The following MMRN1 variants were observed in gnomAD, a reference collection of about 807,000 sequenced individuals.
MMRN1 encodes multimerin-1.
Under a neutral mutation model 100.7 loss-of-function variants are expected in MMRN1, and 94 were observed. The ratio of observed to expected loss-of-function variants is 0.93; its 90% CI spans 0.79 to 1.11. The LOEUF (loss-of-function observed/expected upper bound fraction) is 1.11, where lower values mean the gene tolerates loss of function less well. Ranked by LOEUF, MMRN1 falls within the 50% of genes least tolerant of loss-of-function variation. The pLI is 0.00. For missense variants in MMRN1, 1,606 were observed against 1,439.1 expected (o/e 1.12, Z -1.88); for synonymous variants, 575 against 505.0 (o/e 1.14, Z -1.86).
At chr4:89,891,398 G>A (rs958609482), upstream of MMRN1, among the ~76,000 whole-genome samples, 2 of 151,956 alleles carry the variant, frequency 1.3e-5, no homozygotes, top group Admixed American at 6.6e-5. Context: ...AATATTTACC[G>A]AATACCTATT....
chr4:89,900,938 A>G (rs1224020772), intron 1 of MMRN1, among the ~76,000 whole-genome samples: 1 of 152,068 alleles, frequency 6.6e-6, no homozygotes, highest in Non-Finnish European at 1.5e-5. Context: ...GAAGGAATCT[A>G]TAAAAGTGTG....
At chr4:89,927,732 A>G (rs1463079845) in intron 4 of MMRN1, 63 bp from the exon 5 acceptor site, 2 of 1,477,942 alleles carry the variant, frequency 1.4e-6, no homozygotes, top group Non-Finnish European at 1.9e-6. Context: ...TCCATTCAGT[A>G]TGATACCAAC....
chr4:89,907,828 T>TG (rs1721617022), intron 1 of MMRN1, among the ~76,000 whole-genome samples: 1 of 132,616 alleles, frequency 7.5e-6, no homozygotes, highest in African/African-American at 3.1e-5. Context: ...CCTGTTTTTT[T>TG]GTTTTTTTTT....
At chr4:89,890,510 C>T (rs967595599), upstream of MMRN1, among the ~76,000 whole-genome samples, 1 of 151,936 alleles carries the variant, frequency 6.6e-6, no homozygotes, top group Admixed American at 6.6e-5. Context: ...GAGTCTTATT[C>T]TATTTTTTCT....
chr4:89,905,637 A>G (rs1349782608), intron 1 of MMRN1, among the ~76,000 whole-genome samples: 3 of 151,492 alleles, frequency 2.0e-5, no homozygotes, highest in Non-Finnish European at 3.0e-5. Flanking sequence ...AGAAGCAGCT[A>G]TGTCTGTCTT....
intron 3 of MMRN1, among the ~76,000 whole-genome samples, chr4:89,921,308 G>A: frequency 6.6e-6 from 1 of 151,980 alleles, no homozygotes; most frequent in East Asian, 1.9e-4. Flanking sequence ...TAGATCTAAG[G>A]TGGGACTCTA....
At chr4:89,891,596 G>T (rs1281742183), upstream of MMRN1, among the ~76,000 whole-genome samples, 1 of 151,996 alleles carries the variant, frequency 6.6e-6, no homozygotes, top group African/African-American at 2.4e-5. Context: ...TCAAAATCAT[G>T]CAGAAATCAG....
At chr4:89,898,854 C>T (rs970162357) in intron 1 of MMRN1, among the ~76,000 whole-genome samples, 2 of 151,950 alleles carry the variant, frequency 1.3e-5, no homozygotes, top group African/African-American at 2.4e-5. Context: ...ACTGCACTTA[C>T]GACACTACAT....
At chr4:89,911,855 T>C (rs981851801) in intron 2 of MMRN1, 89 bp from the exon 3 acceptor site, 7 of 814,364 alleles carry the variant, frequency 8.6e-6, no homozygotes, top group Admixed American at 2.3e-5. Context: ...ATTGTAGGCA[T>C]TGCCCCAAAA....
At chr4:89,913,173 A>G (rs1721809150) in intron 3 of MMRN1, among the ~76,000 whole-genome samples, 3 of 151,278 alleles carry the variant, frequency 2.0e-5, no homozygotes, top group Admixed American at 1.3e-4. Flanking sequence ...CACAATGGTA[A>G]AACATATTTG....
intron 3 of MMRN1, among the ~76,000 whole-genome samples, chr4:89,913,636 C>A (rs1721824614): frequency 6.6e-6 from 1 of 151,158 alleles, no homozygotes; most frequent in Non-Finnish European, 1.5e-5. Flanking sequence ...TTTATGAATT[C>A]AAGTAGTTTA....
intron 6 of MMRN1, 124 bp from the exon 7 acceptor site, chr4:89,951,481 G>A (rs1033364112): frequency 9.7e-5 from 95 of 982,348 alleles, no homozygotes; most frequent in Non-Finnish European, 1.1e-4. Context: ...ATCCTGGGCC[G>A]TGGAGCCCAT....
At chr4:89,946,025 G>T (rs1388821865) in intron 6 of MMRN1, among the ~76,000 whole-genome samples, 1 of 152,190 alleles carries the variant, frequency 6.6e-6, no homozygotes, top group African/African-American at 2.4e-5. Context: ...ATAAATGTTA[G>T]TATTCCTAGA....
At position 89,916,016 on chromosome 4, in the gene MMRN1, A is replaced by G. The variant is rs930472020; in HGVS notation, c.850+3966A>G. Among the ~76,000 whole-genome samples the G allele has an allele frequency of 4.0e-5, 6 of 151,652 alleles. No homozygotes were observed. The Admixed American group carries it at 4.0e-4, about 10-fold the overall frequency. On this transcript the variant is annotated intron_variant, in intron 3 of 7. Transcript: ENST00000264790. ...GGGGAGACAGAAAGATTGCTAAATG[A>G]AAAAACAAAAGAGCATCAATCAACG...
chr4:89,885,868 C>T (rs969155963), intron 1 of MMRN1, among the ~76,000 whole-genome samples: 4 of 151,746 alleles, frequency 2.6e-5, no homozygotes, highest in South Asian at 2.1e-4. Flanking sequence ...TTCTTCTTTG[C>T]CCATTTTCTG....
chr4:89,935,096 T>TA lies in MMRN1; in HGVS notation c.1417dup (p.Thr473AsnfsTer3). On this transcript the variant is annotated frameshift_variant, in exon 6 of 8. Transcript: ENST00000264790. LOFTEE classifies it high-confidence loss of function. ...TGAATGTAAGGCAAGAAATGACTCTTACATGTGAGAAGCCTATTAAAGAAC... is the reference window on the plus strand; with the variant it reads ...TGAATGTAAGGCAAGAAATGACTCTTAACATGTGAGAAGCCTATTAAAGAAC... 1 of 1,613,744 alleles carries TA rather than the reference T, an allele frequency of 6.2e-7. No individual in the cohort carries two copies. The highest frequency in any genetic ancestry group is 8.5e-7 in the Non-Finnish European group (1 of 1,179,784).
At chr4:89,910,731 G>A (rs1404769340) in intron 2 of MMRN1, among the ~76,000 whole-genome samples, 1 of 151,350 alleles carries the variant, frequency 6.6e-6, no homozygotes, top group African/African-American at 2.4e-5. Context: ...ATAAATGAGG[G>A]TAAATGATTA....
chr4:89,926,251 A>G (rs1722255315), intron 4 of MMRN1, among the ~76,000 whole-genome samples: 1 of 152,144 alleles, frequency 6.6e-6, no homozygotes, highest in Non-Finnish European at 1.5e-5. Flanking sequence ...CCAACAGGGT[A>G]TGGGGGGGTT....
At chr4:89,927,763 T>C in intron 4 of MMRN1, 32 bp from the exon 5 acceptor site, 1 of 1,584,850 alleles carries the variant, frequency 6.3e-7, no homozygotes, top group Non-Finnish European at 8.6e-7. Context: ...AATATATTTT[T>C]TAATGGTCTC....
Sources: allele counts gnomAD v4.1 joint callset (sites outside exome capture counted in the v4.1 genomes callset), GRCh38; gene constraint gnomAD v4.1.1; transcripts MANE v1.5; gene names NCBI Gene and HGNC (gene_info 2026-07-23, HGNC 2026-07-21).